The following TMEM232 variants were observed in gnomAD, a reference collection of about 807,000 sequenced individuals.
TMEM232 encodes the protein transmembrane protein 232.
TMEM232 carries 80 observed loss-of-function variants against 78.8 expected under a neutral mutation model. The observed-to-expected ratio is 1.01, with a 90% CI of 0.85 to 1.22. The LOEUF (loss-of-function observed/expected upper bound fraction) is 1.22, where lower values mean the gene tolerates loss of function less well. Among genes scored for constraint, TMEM232 ranks in the 50% most tolerant of loss-of-function variants. The probability of loss-of-function intolerance (pLI) is 0.00; values close to 1 mark genes in which losing one functional copy is unlikely to be tolerated. For synonymous variants in TMEM232, 297 were observed against 254.3 expected (o/e 1.17, Z -1.60); for missense variants, 881 against 742.2 (o/e 1.19, Z -2.17).
chr5:110,666,810 A>G (rs1790655336), intron 2 of TMEM232: 1 of 154,100 alleles, frequency 6.5e-6, no homozygotes, highest in African/African-American at 2.4e-5. Flanking sequence ...GTCTTTGTGA[A>G]AGTTCTTTTC....
intron 11 of TMEM232, among the ~76,000 whole-genome samples, chr5:110,537,288 TATA>T (rs1301162508): frequency 7.0e-6 from 1 of 142,100 alleles, no homozygotes; most frequent in African/African-American, 3.1e-5. Context: ...TATATATATA[TATA>T]TTTTTTTTTT....
chr5:110,520,939 T>C (rs1047966129), intron 12 of TMEM232, among the ~76,000 whole-genome samples: 2 of 152,090 alleles, frequency 1.3e-5, no homozygotes, highest in African/African-American at 4.8e-5. Flanking sequence ...AATAGAATAA[T>C]GATCTGCTGT....
At chr5:110,568,311 G>C in intron 11 of TMEM232, 136 bp downstream of exon 11, 1 of 926,978 alleles carries the variant, frequency 1.1e-6, no homozygotes, top group Non-Finnish European at 1.5e-6. Context: ...TCAGTGTTAA[G>C]TTTTAAAAAT....
At chr5:110,719,415 C>T (rs527980631) in intron 1 of TMEM232, among the ~76,000 whole-genome samples, 20 of 152,028 alleles carry the variant, frequency 1.3e-4, no homozygotes, top group African/African-American at 4.6e-4. Context: ...GTTCTCTGGA[C>T]GTATTTGTAA....
intron 10 of TMEM232, among the ~76,000 whole-genome samples, chr5:110,585,548 C>G (rs913376216): frequency 2.0e-5 from 3 of 152,092 alleles, no homozygotes; most frequent in Non-Finnish European, 4.4e-5. Context: ...GCCTTCTATT[C>G]AAGATTTGGA....
At chr5:110,519,688 C>T (rs1769211274) in intron 12 of TMEM232, among the ~76,000 whole-genome samples, 2 of 151,944 alleles carry the variant, frequency 1.3e-5, no homozygotes, top group Admixed American at 1.3e-4. Flanking sequence ...TATCACAGCA[C>T]TGTTACAATA....
chr5:110,399,565 C>T (rs1252053328), intron 2 of TMEM232, among the ~76,000 whole-genome samples: 1 of 152,072 alleles, frequency 6.6e-6, no homozygotes, highest in East Asian at 1.9e-4. Context: ...AGTCTACACT[C>T]CTTACTACAC....
At chr5:110,537,503 C>A (rs1772541923) in intron 11 of TMEM232, among the ~76,000 whole-genome samples, 1 of 152,140 alleles carries the variant, frequency 6.6e-6, no homozygotes, top group Middle Eastern at 3.2e-3. Flanking sequence ...ACCAGCCCCC[C>A]AAGGGAAAGT....
intron 12 of TMEM232, among the ~76,000 whole-genome samples, chr5:110,473,613 C>T (rs961142020): frequency 6.6e-6 from 1 of 150,650 alleles, no homozygotes; most frequent in African/African-American, 2.4e-5. Flanking sequence ...ATTGAAGTAC[C>T]ACATGATCTA....
At chr5:110,412,027 G>A (rs1756016223) in intron 2 of TMEM232, among the ~76,000 whole-genome samples, 1 of 152,126 alleles carries the variant, frequency 6.6e-6, no homozygotes, top group Admixed American at 6.5e-5. Context: ...GTTACATCCT[G>A]TGTCCCATCT....
chr5:110,716,654 T>A (rs1247247578), intron 1 of TMEM232, among the ~76,000 whole-genome samples: 1 of 152,084 alleles, frequency 6.6e-6, no homozygotes, highest in African/African-American at 2.4e-5. Flanking sequence ...GAAACTTCAT[T>A]TGCTCACTCA....
At chr5:110,674,614 T>C (rs187351306) in intron 1 of TMEM232, among the ~76,000 whole-genome samples, 6 of 152,342 alleles carry the variant, frequency 3.9e-5, no homozygotes, top group Admixed American at 2.0e-4. Flanking sequence ...ACCTGAAAAG[T>C]ACTAATATTT....
At chr5:110,502,045 G>A (rs1482114804) in intron 12 of TMEM232, among the ~76,000 whole-genome samples, 3 of 151,942 alleles carry the variant, frequency 2.0e-5, no homozygotes, top group African/African-American at 7.3e-5. Flanking sequence ...TTTTTTCTAA[G>A]TGTTTCTGTC....
At position 110,482,668 on chromosome 5, in the gene TMEM232, CA is replaced by C. The variant is rs1316708916; in HGVS notation, c.1703+45919del. Among the ~76,000 whole-genome samples, 3 of 151,236 alleles carry C rather than the reference CA, an allele frequency of 2.0e-5. No homozygotes were observed. In the South Asian group the frequency reaches 6.2e-4, roughly 31 times the overall value. ...AGCAGAGAGAAGCAAATGAATTTAGCATAAAGTTTAGAAGTAGATTTCTGCA... is the reference window on the plus strand; with the variant it reads ...AGCAGAGAGAAGCAAATGAATTTAGCTAAAGTTTAGAAGTAGATTTCTGCA... On this transcript the variant is annotated intron_variant, in intron 12 of 13. Transcript: ENST00000455884.
intron 2 of TMEM232, among the ~76,000 whole-genome samples, chr5:110,663,590 C>A (rs760175613): frequency 4.6e-5 from 7 of 151,386 alleles, no homozygotes; most frequent in Non-Finnish European, 8.8e-5. Flanking sequence ...ATAAATGGAG[C>A]GATATACCAT....
At chr5:110,557,570 C>T (rs1775246642) in intron 11 of TMEM232, among the ~76,000 whole-genome samples, 1 of 152,144 alleles carries the variant, frequency 6.6e-6, no homozygotes, top group African/African-American at 2.4e-5. Flanking sequence ...TCTGCTTAGA[C>T]TCTTGGGAGG....
intron 2 of TMEM232, among the ~76,000 whole-genome samples, chr5:110,650,065 T>G (rs551700181): frequency 9.0e-4 from 137 of 152,242 alleles, no homozygotes; most frequent in Non-Finnish European, 1.7e-3. Flanking sequence ...AATATTTAAT[T>G]AATGGTAACT....
intron 5 of TMEM232, among the ~76,000 whole-genome samples, chr5:110,632,008 C>G (rs998036410): frequency 1.3e-5 from 2 of 151,966 alleles, no homozygotes; most frequent in Middle Eastern, 3.2e-3. Context: ...CAGGCATACT[C>G]ATCCCACTGT....
intron 2 of TMEM232, among the ~76,000 whole-genome samples, chr5:110,661,605 C>T (rs1789809258): frequency 6.6e-6 from 1 of 152,208 alleles, no homozygotes; most frequent in African/African-American, 2.4e-5. Context: ...CAGCACTCCA[C>T]CATGCCTAGC....
Sources: allele counts gnomAD v4.1 joint callset (sites outside exome capture counted in the v4.1 genomes callset), GRCh38; gene constraint gnomAD v4.1.1; transcripts MANE v1.5; gene names NCBI Gene and HGNC (gene_info 2026-07-23, HGNC 2026-07-21).